Variants in TCF7L2 observed in about 807,000 individuals in gnomAD.
TCF7L2 encodes the protein transcription factor 7-like 2.
Under a neutral mutation model 77.9 loss-of-function variants are expected in TCF7L2, and 23 were observed. The observed-to-expected ratio is 0.30, with a 90% CI of 0.21 to 0.42. TCF7L2 has a LOEUF of 0.42. Ranked by LOEUF, TCF7L2 falls within the 10% of genes least tolerant of loss-of-function variation. The pLI is 1.00. For synonymous variants in TCF7L2, 413 were observed against 340.2 expected, an observed-to-expected ratio of 1.21 and a Z score of -2.36; for missense variants, 654 against 793.1, an observed-to-expected ratio of 0.82 and a Z score of 2.11.
chr10:113,084,359 CCCAGAGA>C (rs2059606950), intron 5 of TCF7L2, among the ~76,000 whole-genome samples: 1 of 152,124 alleles, frequency 6.6e-6, no homozygotes, highest in Non-Finnish European at 1.5e-5. Flanking sequence ...TGGGCTGGAG[CCCAGAGA>C]TGCTGCTTTA....
intron 6 of TCF7L2, among the ~76,000 whole-genome samples, chr10:113,142,069 A>G (rs1184677768): frequency 6.6e-6 from 1 of 152,194 alleles, no homozygotes; most frequent in African/African-American, 2.4e-5. Context: ...CCGTGGCACA[A>G]TTTTGGCTCC....
chr10:112,982,555 G>A (rs1292593597), intron 4 of TCF7L2, among the ~76,000 whole-genome samples: 1 of 152,160 alleles, frequency 6.6e-6, no homozygotes, highest in East Asian at 1.9e-4. Context: ...CGCTTGCTTA[G>A]TACCTCATAG....
rs2136841185 is a variant in TCF7L2 at position 113,141,277 on chromosome 10, C to A, written c.646C>A (p.Pro216Thr). 1 of 1,614,166 alleles carries A rather than the reference C, an allele frequency of 6.2e-7. No individual in the cohort carries two copies. The highest frequency in any genetic ancestry group is 8.5e-7 in the Non-Finnish European group (1 of 1,180,028). Residue 216 changes from proline (P) to threonine (T), a missense_variant, in exon 6 of 14, where the codon CCA becomes ACA. By Grantham distance (38) the Pro-to-Thr change is conservative (BLOSUM62 -1). Coordinates refer to ENST00000627217, the MANE Select transcript of TCF7L2 (RefSeq NM_001146274.2). The stretch of plus-strand genomic sequence containing the variant: ...CAATGAACACTTCACGCCGGGAAAC[C>A]CACCTCCACACTTACCAGCCGACGT...
At chr10:113,090,933 A>G (rs141835612) in intron 5 of TCF7L2, among the ~76,000 whole-genome samples, 143 of 151,924 alleles carry the variant, frequency 9.4e-4, no homozygotes, top group Non-Finnish European at 1.7e-3. Context: ...TTTGAGACGG[A>G]GTCTTGCTCT....
chr10:112,952,996 A>G (rs2032357929), intron 3 of TCF7L2, among the ~76,000 whole-genome samples: 1 of 151,844 alleles, frequency 6.6e-6, no homozygotes, highest in African/African-American at 2.4e-5. Context: ...CCTTATTTAC[A>G]CACACGACTT....
intron 4 of TCF7L2, among the ~76,000 whole-genome samples, chr10:112,980,663 G>A (rs1182985555): frequency 1.3e-5 from 2 of 149,160 alleles, no homozygotes; most frequent in African/African-American, 2.5e-5. Flanking sequence ...TCACTCTGTC[G>A]CCCAGCCTGG....
chr10:113,047,348 C>CA (rs989426663), intron 5 of TCF7L2, among the ~76,000 whole-genome samples: 3 of 152,084 alleles, frequency 2.0e-5, no homozygotes, highest in Admixed American at 1.3e-4. Context: ...AATTTAACAA[C>CA]AAAAAAACTT....
chr10:113,076,181 A>T (rs2058675910), intron 5 of TCF7L2, among the ~76,000 whole-genome samples: 1 of 148,618 alleles, frequency 6.7e-6, no homozygotes, highest in Non-Finnish European at 1.5e-5. Context: ...TCTGTCACCC[A>T]GGCTGGGATA....
In TCF7L2 at chr10:113,166,992, C is replaced by T. The variant is rs1254128414; in HGVS notation, c.*1020C>T. 5 of 231,312 alleles carry T rather than the reference C, an allele frequency of 2.2e-5. No homozygotes were observed. Among genetic ancestry groups the T allele is most frequent in the Non-Finnish European group, 4.3e-5 (5 of 116,902 alleles). The allele number at this position is 231,312 out of a possible 1,614,324, so 14.3% of individuals were successfully genotyped here. A position where few individuals can be genotyped will look rare whatever the true frequency, so the allele number is the denominator to read the frequency against. The stretch of plus-strand genomic sequence containing the variant: ...TCTGAGCAGCAGTGGGAACCATCTT[C>T]GTTTCCCCTTTGAACTCCCAGTGGG... On this transcript the variant is annotated 3_prime_UTR_variant, in exon 14 of 14. Transcript: ENST00000627217.
At chr10:113,128,959 T>TTC (rs1156848694) in intron 5 of TCF7L2, among the ~76,000 whole-genome samples, 1 of 152,052 alleles carries the variant, frequency 6.6e-6, no homozygotes, top group Non-Finnish European at 1.5e-5. Flanking sequence ...CTCTCTTTCT[T>TTC]TCTCTCTCTG....
At chr10:113,108,947 T>C (rs1309947160) in intron 5 of TCF7L2, among the ~76,000 whole-genome samples, 1 of 152,234 alleles carries the variant, frequency 6.6e-6, no homozygotes, top group Non-Finnish European at 1.5e-5. Context: ...CCTTTGTTTA[T>C]TTAAAAATCA....
chr10:113,107,634 T>C (rs1394873801), intron 5 of TCF7L2, among the ~76,000 whole-genome samples: 1 of 150,854 alleles, frequency 6.6e-6, no homozygotes, highest in African/African-American at 2.4e-5. Context: ...TCCCAGCTAC[T>C]TGGGAGGCTG....
chr10:113,099,359 T>C (rs1316675432), intron 5 of TCF7L2, among the ~76,000 whole-genome samples: 2 of 152,190 alleles, frequency 1.3e-5, no homozygotes, highest in African/African-American at 2.4e-5. Flanking sequence ...TCTGTAGATT[T>C]TATTGACCCA....
chr10:113,090,159 T>C (rs1224322981), intron 5 of TCF7L2, among the ~76,000 whole-genome samples: 1 of 152,214 alleles, frequency 6.6e-6, no homozygotes, highest in Non-Finnish European at 1.5e-5. Flanking sequence ...AACAGTTCTC[T>C]TCAAATTAAT....
intron 3 of TCF7L2, among the ~76,000 whole-genome samples, chr10:112,963,394 T>G (rs937034210): frequency 6.6e-6 from 1 of 152,262 alleles, no homozygotes; most frequent in Non-Finnish European, 1.5e-5. Context: ...AATTACACTT[T>G]GTGCTAGTAA....
intron 4 of TCF7L2, among the ~76,000 whole-genome samples, chr10:113,023,702 T>C (rs1428221339): frequency 6.6e-6 from 1 of 151,982 alleles, no homozygotes; most frequent in Non-Finnish European, 1.5e-5. Context: ...GGAGTCTCGC[T>C]CTGTTGCCCA....
intron 5 of TCF7L2, among the ~76,000 whole-genome samples, chr10:113,090,203 T>C (rs1044515994): frequency 3.3e-5 from 5 of 152,184 alleles, no homozygotes; most frequent in African/African-American, 1.2e-4. Flanking sequence ...TAGAACATGC[T>C]TTTATCTTCA....
chr10:112,965,944 C>T (rs1356378597), intron 4 of TCF7L2, among the ~76,000 whole-genome samples: 2 of 151,624 alleles, frequency 1.3e-5, no homozygotes, highest in African/African-American at 2.4e-5. Flanking sequence ...GAGGCTGAGG[C>T]GGGCGGATCA....
chr10:113,165,829 C>G lies in TCF7L2; in HGVS notation c.1666C>G (p.Leu556Val), dbSNP rs2074012388. The G allele has an allele frequency of 3.1e-6, 5 of 1,606,766 alleles. No homozygotes were observed. In the East Asian group the frequency reaches 6.7e-5, roughly 22 times the overall value. Residue 556 changes from leucine to valine, a missense_variant, in exon 14 of 14, where the codon CTG becomes GTG. Around this residue, in one of 6 missense-constraint regions of TCF7L2, gnomAD observed 272 missense variants for 215.4 expected, o/e 1.26. Transcript: ENST00000627217. ...CTCCGCCCTCTGTCCCAACGGGGCC[C>G]TGGACCTGCCCCCAGCCGCTTTGCA...
Sources: gnomAD v4.1 joint callset for allele counts (sites outside exome capture counted in the v4.1 genomes callset) on GRCh38, gnomAD v4.1.1 for gene constraint, gnomAD v4.1.1 regional missense constraint, MANE v1.5 for transcripts, NCBI Gene and HGNC (gene_info 2026-07-23, HGNC 2026-07-21) for gene names.